ELAPOR1: variants seen among roughly 807,000 people sequenced by gnomAD.
ELAPOR1 encodes endosome-lysosome associated apoptosis and autophagy regulator 1.
In ELAPOR1, 77 loss-of-function variants were observed where a neutral mutation model predicts 119.7. The observed-to-expected ratio is 0.64, with a 90% CI of 0.54 to 0.78. ELAPOR1 has a LOEUF of 0.78. Ranked by LOEUF, ELAPOR1 falls within the 30% of genes least tolerant of loss-of-function variation. The pLI, the probability that ELAPOR1 is intolerant of heterozygous loss-of-function variation, is 0.00. For missense variants in ELAPOR1, 1,115 were observed against 1,270.4 expected, an observed-to-expected ratio of 0.88 and a Z score of 1.86; for synonymous variants, 481 against 487.2, an observed-to-expected ratio of 0.99 and a Z score of 0.17.
At chr1:109,150,388 G>A (rs1650452810) in intron 1 of ELAPOR1, among the ~76,000 whole-genome samples, 1 of 152,176 alleles carries the variant, frequency 6.6e-6, no homozygotes, top group African/African-American at 2.4e-5. Context: ...CTGCACCCCA[G>A]CACTGTGTTG....
intron 3 of ELAPOR1, among the ~76,000 whole-genome samples, chr1:109,171,365 T>C (rs1651911936): frequency 1.3e-5 from 2 of 151,880 alleles, no homozygotes; most frequent in Admixed American, 6.6e-5. Flanking sequence ...CTGGCCAACA[T>C]GGTGAAAACC....
chr1:109,181,375 C>G (rs1191577997), intron 7 of ELAPOR1, among the ~76,000 whole-genome samples: 2 of 152,166 alleles, frequency 1.3e-5, no homozygotes, highest in Non-Finnish European at 2.9e-5. Context: ...TTCACTCCCT[C>G]AACCAAACAC....
At chr1:109,190,140 G>GCACACA (rs144431690) in intron 11 of ELAPOR1, among the ~76,000 whole-genome samples, 5 of 151,012 alleles carry the variant, frequency 3.3e-5, no homozygotes, top group African/African-American at 1.2e-4. Context: ...AAACAAACAC[G>GCACACA]CACACACACA....
chr1:109,153,720 A>G (rs566232412), intron 1 of ELAPOR1, among the ~76,000 whole-genome samples: 17 of 151,470 alleles, frequency 1.1e-4, no homozygotes, highest in Non-Finnish European at 2.1e-4. Flanking sequence ...GTTCACTGCA[A>G]CCTCTGCCTC....
intron 4 of ELAPOR1, 85 bp downstream of exon 4, chr1:109,172,098 G>A: frequency 1.4e-6 from 2 of 1,473,904 alleles, no homozygotes; most frequent in Non-Finnish European, 1.9e-6. Context: ...CATGAGTGTA[G>A]CCCTGCTTGG....
Position 109,161,872 on chromosome 1 carries a change from C to T in ELAPOR1, c.154-22C>T, listed in dbSNP as rs991565250. On this transcript the variant is annotated intron_variant, in intron 1 of 21. Transcript: ENST00000369939. ...TTGATCACTGCTAATGCACATTTCG[C>T]CCACTGTTCTCTCCCCTGCAGTCTG... is the stretch of plus-strand genomic sequence containing the variant. 2.5e-6 allele frequency: 4 copies of T among 1,597,804 alleles called. No homozygotes were observed. The Admixed American group carries it at 5.0e-5, about 20-fold the overall frequency.
chr1:109,202,413 C>A (rs913659803), intron 21 of ELAPOR1, among the ~76,000 whole-genome samples: 1 of 150,438 alleles, frequency 6.6e-6, no homozygotes, highest in African/African-American at 2.5e-5. Context: ...AGCCACTGTG[C>A]CTGGCCAAAA....
At chr1:109,142,643 A>T (rs147564628) in intron 1 of ELAPOR1, among the ~76,000 whole-genome samples, 2 of 152,356 alleles carry the variant, frequency 1.3e-5, no homozygotes, top group African/African-American at 4.8e-5. Flanking sequence ...ACATAAAGAC[A>T]GATAATAACA....
At chr1:109,202,786 C>A in intron 21 of ELAPOR1, 158 bp from the exon 22 acceptor site, 1 of 758,814 alleles carries the variant, frequency 1.3e-6, no homozygotes. Flanking sequence ...CTGAAGGGAG[C>A]AAGCAGAATA....
chr1:109,170,667 C>T lies in ELAPOR1; in HGVS notation c.468-1199C>T, dbSNP rs578164541. Among the ~76,000 whole-genome samples the T allele has an allele frequency of 3.0e-4, 45 of 152,250 alleles. No homozygotes were observed. The South Asian group carries it at 8.1e-3, about 27-fold the overall frequency. The stretch of plus-strand genomic sequence containing the variant: ...GGAATTTGTACCCTATCCTAAGGGC[C>T]ACAGGGAGTCAGTCCCAGGGGTTTT... On this transcript the variant is annotated intron_variant, in intron 3 of 21. Coordinates refer to ENST00000369939, the MANE Select transcript of ELAPOR1 (RefSeq NM_020775.5).
rs564478815 is a variant in ELAPOR1 at position 109,197,470 on chromosome 1, C to A, written c.2122-4C>A. 6.2e-7 allele frequency: 1 copy of A among 1,613,064 alleles called. No homozygotes were observed. The highest frequency in any genetic ancestry group is 1.3e-5 in the African/African-American group (1 of 75,044). On this transcript the variant is annotated splice_polypyrimidine_tract_variant and splice_region_variant and intron_variant, in intron 15 of 21. Transcript: ENST00000369939. Reference sequence around the variant, plus strand: ...CTACTTCTTCCTCCCCACTCCCCAACCAGGGTAGGAAAATGTCTGTGTGCA... The same window carrying A: ...CTACTTCTTCCTCCCCACTCCCCAAACAGGGTAGGAAAATGTCTGTGTGCA...
In ELAPOR1 at chr1:109,203,246, A is replaced by G. The variant is rs986615317; in HGVS notation, c.*234A>G. ...GTTTGTAAATTATGCCCTTGCTTGT[A>G]TCTTGTTTCCCAAAATGGCCCATCC... On this transcript the variant is annotated 3_prime_UTR_variant, in exon 22 of 22. Coordinates refer to ENST00000369939, the MANE Select transcript of ELAPOR1 (RefSeq NM_020775.5). The G allele has an allele frequency of 1.4e-5, 7 of 503,644 alleles. No individual in the cohort carries two copies. Among genetic ancestry groups the G allele is most frequent in the African/African-American group, 8.1e-5 (4 of 49,324 alleles). 31.2% of individuals were successfully genotyped at this position (503,644 alleles called of 1,614,324 possible).
At position 109,164,553 on chromosome 1, in the gene ELAPOR1, C is replaced by T; in HGVS notation, c.329C>T (p.Pro110Leu). The change falls in exon 3 of 22, where the codon CCA becomes CTA. Residue 110 changes from proline to leucine, a missense_variant. Pro to Leu is a moderately conservative substitution (Grantham distance 98). Transcript: ENST00000369939. ...FLDMKDQSCK[P>L]CAEGRYSLGT... ...GATATGAAGGACCAGTCATGTAAGCCATGCGCTGAGGGCCGCTACTCCCTC... is the reference window on the plus strand; with the variant it reads ...GATATGAAGGACCAGTCATGTAAGCTATGCGCTGAGGGCCGCTACTCCCTC... 1 of 1,614,214 alleles carries T rather than the reference C, an allele frequency of 6.2e-7. No individual in the cohort carries two copies. The highest frequency in any genetic ancestry group is 8.5e-7 in the Non-Finnish European group (1 of 1,180,016).
intron 3 of ELAPOR1, among the ~76,000 whole-genome samples, chr1:109,170,678 A>T (rs1271967540): frequency 6.6e-6 from 1 of 152,232 alleles, no homozygotes; most frequent in African/African-American, 2.4e-5. Flanking sequence ...ACAGGGAGTC[A>T]GTCCCAGGGG....
rs749154384 is a variant in ELAPOR1, at chr1:109,173,497, T to C, written c.720T>C (p.Asn240=). ...AGGTGGAGCTAAATCGAGGCAATAA[T>C]GTCCTCTATTGGAGAACCACAGCCT... ...FHSVELNRGN[N]VLYWRTTAFS... is the part of the protein sequence containing the mutation. The change falls in exon 6 of 22, where the codon AAT becomes AAC. Residue 240 remains asparagine (N), a synonymous_variant. Transcript: ENST00000369939. The C allele has an allele frequency of 1.9e-6, 3 of 1,614,176 alleles. No homozygotes were observed. In the South Asian group the frequency reaches 3.3e-5, roughly 18 times the overall value.
intron 1 of ELAPOR1, among the ~76,000 whole-genome samples, chr1:109,118,996 C>G (rs928386910): frequency 2.6e-5 from 4 of 151,478 alleles, no homozygotes; most frequent in African/African-American, 9.7e-5. Flanking sequence ...CTTCTGGGCT[C>G]AAGCAATTCT....
intron 1 of ELAPOR1, among the ~76,000 whole-genome samples, chr1:109,146,582 G>A (rs1650191629): frequency 6.6e-6 from 1 of 152,128 alleles, no homozygotes; most frequent in African/African-American, 2.4e-5. Flanking sequence ...TCTCTTTTGA[G>A]AACCCACTTT....
chr1:109,162,961 C>T (rs1007985241), intron 2 of ELAPOR1, among the ~76,000 whole-genome samples: 1 of 152,240 alleles, frequency 6.6e-6, no homozygotes, highest in Non-Finnish European at 1.5e-5. Context: ...GTGGAAAGTG[C>T]AGACATTCAT....
chr1:109,177,109 T>C (rs1362961131), intron 7 of ELAPOR1, among the ~76,000 whole-genome samples: 936 of 140,312 alleles, frequency 6.7e-3, no homozygotes, highest in East Asian at 0.023. Context: ...CCGTTCTCAA[T>C]GAGCTGTTGG....
Sources: gnomAD v4.1 joint callset for allele counts (sites outside exome capture counted in the v4.1 genomes callset) on GRCh38, gnomAD v4.1.1 for gene constraint, MANE v1.5 for transcripts, NCBI Gene and HGNC (gene_info 2026-07-23, HGNC 2026-07-21) for gene names.